CDC40: variants seen among roughly 807,000 people sequenced by gnomAD.
CDC40 encodes the protein pre-mRNA-processing factor 17.
In CDC40, 27 loss-of-function variants were observed where a neutral mutation model predicts 80.6. The observed-to-expected ratio is 0.33, with a 90% confidence interval of 0.25 to 0.46. The LOEUF (loss-of-function observed/expected upper bound fraction) is 0.46, where lower values mean the gene tolerates loss of function less well. Among genes scored for constraint, CDC40 ranks in the 20% least tolerant of loss-of-function variants. The pLI, the probability that CDC40 is intolerant of heterozygous loss-of-function variation, is 1.00. For missense variants in CDC40, 486 were observed against 694.1 expected, an observed-to-expected ratio of 0.70 and a Z score of 3.37; for synonymous variants, 221 against 232.6, an observed-to-expected ratio of 0.95 and a Z score of 0.45.
intron 6 of CDC40, chr6:110,211,909 G>A (rs1026230792): frequency 2.1e-6 from 1 of 473,474 alleles, no homozygotes; most frequent in Non-Finnish European, 3.8e-6. Flanking sequence ...TATAATCTCT[G>A]GATATTTAGG....
At chr6:110,225,635 T>C (rs1777847307) in intron 12 of CDC40, among the ~76,000 whole-genome samples, 2 of 152,220 alleles carry the variant, frequency 1.3e-5, no homozygotes, top group South Asian at 4.1e-4. Context: ...TGCTGCAGGC[T>C]GTTTAACACT....
chr6:110,209,391 G>GGA, intron 5 of CDC40, 168 bp downstream of exon 5: 1 of 497,908 alleles, frequency 2.0e-6, no homozygotes. Flanking sequence ...TTTTTCTTTG[G>GGA]GATATTTTTA....
intron 1 of CDC40, among the ~76,000 whole-genome samples, chr6:110,191,488 GGAGA>G (rs143157292): frequency 6.6e-6 from 1 of 151,882 alleles, no homozygotes; most frequent in Admixed American, 6.6e-5. Context: ...ACATTTTAGT[GGAGA>G]GAGAGAGAGA....
At chr6:110,211,257 C>T (rs1449996744) in intron 6 of CDC40, 1 of 152,132 alleles carries the variant, frequency 6.6e-6, no homozygotes, top group African/African-American at 2.4e-5. Flanking sequence ...GAGCTTAAGG[C>T]TCTCATACTT....
chr6:110,203,179 C>G (rs2114658372), intron 3 of CDC40, among the ~76,000 whole-genome samples: 1 of 152,162 alleles, frequency 6.6e-6, no homozygotes, highest in African/African-American at 2.4e-5. Context: ...TCAGTCTTGT[C>G]TAAGCTTTAA....
At chr6:110,182,698 A>G (rs768873793) in intron 1 of CDC40, among the ~76,000 whole-genome samples, 33 of 152,076 alleles carry the variant, frequency 2.2e-4, no homozygotes, top group Non-Finnish European at 3.5e-4. Context: ...CTTTTTGGGT[A>G]GTGGGTTCTG....
chr6:110,192,095 G>A (rs141891733), intron 1 of CDC40, among the ~76,000 whole-genome samples: 1 of 152,270 alleles, frequency 6.6e-6, no homozygotes, highest in East Asian at 1.9e-4. Flanking sequence ...TCTGACTGGG[G>A]AGGTTACTGG....
intron 12 of CDC40, among the ~76,000 whole-genome samples, chr6:110,221,380 A>T (rs1488623935): frequency 1.3e-5 from 2 of 152,178 alleles, no homozygotes; most frequent in Non-Finnish European, 2.9e-5. Flanking sequence ...CATTGTCAGG[A>T]CAATCTGGGT....
chr6:110,230,673 A>C lies in CDC40; in HGVS notation c.*542A>C, dbSNP rs569241299. The C allele has an allele frequency of 2.0e-5, 3 of 151,438 alleles. No homozygotes were observed. In the East Asian group the frequency reaches 5.8e-4, roughly 29 times the overall value. 9.4% of individuals were successfully genotyped at this position (151,438 alleles called of 1,614,324 possible). On this transcript the variant is annotated 3_prime_UTR_variant, in exon 15 of 15. Coordinates refer to ENST00000307731, the MANE Select transcript of CDC40 (RefSeq NM_015891.3). The stretch of plus-strand genomic sequence containing the variant: ...TTGATGATATATGTTGTATATTTTT[A>C]GTTGTAAAGCAGTAATCTTTAACTG...
chr6:110,201,442 A>G, intron 2 of CDC40, 116 bp from the exon 3 acceptor site: 1 of 682,104 alleles, frequency 1.5e-6, no homozygotes, highest in Non-Finnish European at 2.3e-6. Flanking sequence ...ATGTGTTCCC[A>G]GATAGGTTAA....
chr6:110,227,462 C>T (rs1384125956), intron 13 of CDC40, among the ~76,000 whole-genome samples: 8 of 152,276 alleles, frequency 5.3e-5, no homozygotes, highest in African/African-American at 1.7e-4. Context: ...TTATATACTT[C>T]GTCACTGTGC....
chr6:110,209,151 A>G lies in CDC40; in HGVS notation c.558A>G (p.Ala186=). The G allele has an allele frequency of 1.2e-6, 2 of 1,606,654 alleles. No individual in the cohort carries two copies. The highest frequency in any genetic ancestry group is 8.5e-7 in the Non-Finnish European group (1 of 1,173,482). Reference sequence around the variant, plus strand: ...GGAAAAAGTTTAAAGAAAATGATGCATCCAATATTGATGGTTTTTTGGGAC... The same window carrying G: ...GGAAAAAGTTTAAAGAAAATGATGCGTCCAATATTGATGGTTTTTTGGGAC... The part of the protein sequence containing the change: ...EKRKKFKEND[A]SNIDGFLGPW... Residue 186 remains alanine, a synonymous_variant, in exon 5 of 15, where the codon GCA becomes GCG. Coordinates refer to ENST00000307731, the MANE Select transcript of CDC40 (RefSeq NM_015891.3).
At chr6:110,203,608 T>C (rs1250771603) in intron 3 of CDC40, among the ~76,000 whole-genome samples, 2 of 152,226 alleles carry the variant, frequency 1.3e-5, no homozygotes, top group African/African-American at 4.8e-5. Flanking sequence ...GTTGTAAGAT[T>C]GTTATAATCT....
chr6:110,183,153 T>C (rs1777222063), intron 1 of CDC40, among the ~76,000 whole-genome samples: 1 of 152,222 alleles, frequency 6.6e-6, no homozygotes, highest in African/African-American at 2.4e-5. Flanking sequence ...TGTTTCCTCC[T>C]ATTTTACCTT....
rs138462889 is a variant in CDC40, at chr6:110,215,286, C to G, written c.943C>G (p.Leu315Val). The change falls in exon 9 of 15, where the codon CTA becomes GTA. Residue 315 changes from leucine to valine, a missense_variant and splice_region_variant. Around this residue, in one of 3 missense-constraint regions of CDC40, gnomAD observed 381 missense variants for 492.1 expected, o/e 0.77. Coordinates refer to ENST00000307731, the MANE Select transcript of CDC40 (RefSeq NM_015891.3). Reference protein sequence around the residue: ...LSCSMDCKIKLWEVYGERRCL... With the variant: ...LSCSMDCKIKVWEVYGERRCL... ...ATGTGTTGTTTTTTTTCTCCCCCAG[C>G]TATGGGAGGTTTATGGAGAACGGCG... 8.6e-3 allele frequency: 13,819 copies of G among 1,611,540 alleles called. 82 individuals are homozygous for G. Among genetic ancestry groups the G allele is most frequent in the Middle Eastern group, 0.016 (96 of 6,054 alleles).
At chr6:110,183,263 T>G (rs1422392535) in intron 1 of CDC40, among the ~76,000 whole-genome samples, 1 of 152,218 alleles carries the variant, frequency 6.6e-6, no homozygotes, top group Non-Finnish European at 1.5e-5. Flanking sequence ...GTCCAGAGAC[T>G]GTTGTATCCA....
chr6:110,213,017 T>C, intron 7 of CDC40, 69 bp from the exon 8 acceptor site: 1 of 1,080,588 alleles, frequency 9.3e-7, no homozygotes, highest in Non-Finnish European at 1.4e-6. Context: ...TATACTGTCT[T>C]TTCTTGATGC....
chr6:110,186,946 C>A (rs993000779), intron 1 of CDC40, among the ~76,000 whole-genome samples: 5 of 152,130 alleles, frequency 3.3e-5, no homozygotes, highest in Non-Finnish European at 5.9e-5. Flanking sequence ...TTTGTGTTCT[C>A]CAGTATATGT....
rs772820006 is a variant in CDC40, at chr6:110,180,442, G to T, written c.-3G>T. ...GGGTCTCCGCAGAAGATTTGTTGCC[G>T]TCATGTCGGCTGCGATTGCAGCTCT... On this transcript the variant is annotated 5_prime_UTR_variant, in exon 1 of 15. Coordinates refer to ENST00000307731, the MANE Select transcript of CDC40 (RefSeq NM_015891.3). 12 of 1,613,904 alleles carry T rather than the reference G, an allele frequency of 7.4e-6. No individual in the cohort carries two copies. The Admixed American group carries it at 1.8e-4, about 25-fold the overall frequency.
Sources: allele counts gnomAD v4.1 joint callset (sites outside exome capture counted in the v4.1 genomes callset), GRCh38; gene constraint gnomAD v4.1.1; regional missense constraint gnomAD v4.1.1; transcripts MANE v1.5; gene names NCBI Gene and HGNC (gene_info 2026-07-23, HGNC 2026-07-21).